PRKN: variants seen among roughly 807,000 people sequenced by gnomAD.
The protein encoded by PRKN is parkin RBR E3 ubiquitin protein ligase, also known as E3 ubiquitin-protein ligase parkin.
Under a neutral mutation model 59.5 loss-of-function variants are expected in PRKN, and 56 were observed. The observed-to-expected ratio is 0.94, with a 90% CI of 0.76 to 1.18. The LOEUF (loss-of-function observed/expected upper bound fraction) is 1.18, where lower values mean the gene tolerates loss of function less well. PRKN is among the 50% of genes most tolerant of loss of function. The pLI, the probability that PRKN is intolerant of heterozygous loss-of-function variation, is 0.00. For missense variants in PRKN, 657 were observed against 596.4 expected (o/e 1.10, Z -1.06); for synonymous variants, 250 against 222.1 (o/e 1.13, Z -1.12).
rs538965190 is a variant in PRKN at position 161,371,858 on chromosome 6, CGAATTCTT to C, written c.1168-11661_1168-11654del. Among the ~76,000 whole-genome samples the C allele has an allele frequency of 5.7e-4, 87 of 151,848 alleles. No individual in the cohort carries two copies. Among genetic ancestry groups the C allele is most frequent in the Non-Finnish European group, 1.1e-3 (74 of 67,950 alleles). ...TTCATCACTTTGGCCAGGCTGATCT[CGAATTCTT>C]GACCTCAGGTGATCTGCCTGCCTCG... is the stretch of plus-strand genomic sequence containing the variant. On this transcript the variant is annotated intron_variant, in intron 10 of 11. Transcript: ENST00000366898. The surrounding 1 kb of genome is among the most constrained non-coding windows in gnomAD (Gnocchi z 5.5).
chr6:162,072,233 A>G (rs1778609059), intron 4 of PRKN, among the ~76,000 whole-genome samples: 1 of 152,116 alleles, frequency 6.6e-6, no homozygotes, highest in Admixed American at 6.5e-5. Context: ...GGTTGCAGTG[A>G]CCCAAGATCA....
At chr6:162,611,148 A>G (rs1284226072) in intron 1 of PRKN, among the ~76,000 whole-genome samples, 2 of 152,200 alleles carry the variant, frequency 1.3e-5, no homozygotes, top group African/African-American at 4.8e-5. Context: ...AATAAATATT[A>G]AAGACTGCTA....
At chr6:162,095,258 G>A (rs1285089199) in intron 4 of PRKN, among the ~76,000 whole-genome samples, 2 of 151,978 alleles carry the variant, frequency 1.3e-5, no homozygotes, top group South Asian at 2.1e-4. Flanking sequence ...TACAGAGATA[G>A]GTTAGTCCTC....
intron 2 of PRKN, among the ~76,000 whole-genome samples, chr6:162,318,506 A>G (rs1424726237): frequency 6.6e-6 from 1 of 152,054 alleles, no homozygotes; most frequent in Non-Finnish European, 1.5e-5. Context: ...CTGGGTGATC[A>G]TCTATATTTC....
chr6:162,542,874 T>C (rs1313768222), intron 1 of PRKN, among the ~76,000 whole-genome samples: 2 of 152,064 alleles, frequency 1.3e-5, no homozygotes, highest in Non-Finnish European at 2.9e-5. Flanking sequence ...GGGCTTGGGC[T>C]TCTGTAGCGG....
At chr6:162,413,418 G>T (rs1327729293) in intron 2 of PRKN, among the ~76,000 whole-genome samples, 1 of 152,124 alleles carries the variant, frequency 6.6e-6, no homozygotes, top group Non-Finnish European at 1.5e-5. Context: ...TGAAACATTT[G>T]TGAAATATAG....
chr6:161,561,866 T>C lies in PRKN; in HGVS notation c.933+7489A>G, dbSNP rs1374776515. Among the ~76,000 whole-genome samples the C allele has an allele frequency of 6.6e-6, 1 of 152,202 alleles. No homozygotes were observed. Among genetic ancestry groups the C allele is most frequent in the African/African-American group, 2.4e-5 (1 of 41,464 alleles). ...TAGAAGGAATTATCCTCCCCTTCTGTTCACTCTTCATCCCATAAAACTCTG... is the reference window on the plus strand; with the variant it reads ...TAGAAGGAATTATCCTCCCCTTCTGCTCACTCTTCATCCCATAAAACTCTG... On this transcript the variant is annotated intron_variant, in intron 8 of 11. Transcript: ENST00000366898. This position sits in a 1 kb window ranked among gnomAD's most constrained non-coding sequence, Gnocchi z 5.0.
At chr6:162,106,314 A>C (rs146771988) in intron 4 of PRKN, among the ~76,000 whole-genome samples, 1 of 152,208 alleles carries the variant, frequency 6.6e-6, no homozygotes, top group East Asian at 1.9e-4. Context: ...CGCGATGATG[A>C]TAATCCCCAA....
chr6:161,518,908 C>T lies in PRKN; in HGVS notation c.1083+29946G>A, dbSNP rs1562500500. Among the ~76,000 whole-genome samples, 1 of 152,178 alleles carries T rather than the reference C, an allele frequency of 6.6e-6. No individual in the cohort carries two copies. The highest frequency in any genetic ancestry group is 1.9e-4 in the East Asian group (1 of 5,182). On this transcript the variant is annotated intron_variant, in intron 9 of 11. Coordinates refer to ENST00000366898, the MANE Select transcript of PRKN (RefSeq NM_004562.3). The surrounding 1 kb of genome is among the most constrained non-coding windows in gnomAD (Gnocchi z 5.0). ...ATGTCAGGGAGAGGAAGGCTGAGCA[C>T]AAGAGAATCTCCCTCTGTCCACAGA...
chr6:161,910,414 C>T (rs1046235829), intron 6 of PRKN, among the ~76,000 whole-genome samples: 1 of 151,944 alleles, frequency 6.6e-6, no homozygotes, highest in Non-Finnish European at 1.5e-5. Flanking sequence ...GCTACCACAC[C>T]CGGCTAATTT....
chr6:161,535,639 C>T (rs1296020737), intron 9 of PRKN, among the ~76,000 whole-genome samples: 2 of 152,188 alleles, frequency 1.3e-5, no homozygotes, highest in African/African-American at 4.8e-5. Flanking sequence ...TTTTCTCTGT[C>T]GGAATACGAG....
chr6:162,261,331 A>G (rs2128099621), intron 3 of PRKN, among the ~76,000 whole-genome samples: 2 of 152,262 alleles, frequency 1.3e-5, no homozygotes, highest in Middle Eastern at 6.8e-3. Context: ...GCTTAAAATA[A>G]TACTTATGCT....
chr6:162,586,636 T>G (rs34009353), intron 1 of PRKN, among the ~76,000 whole-genome samples: 18,702 of 152,188 alleles, frequency 0.12, 1,263 homozygotes, highest in Middle Eastern at 0.2. Flanking sequence ...TATAAGCCGG[T>G]TCGTAATTTG....
Position 161,905,666 on chromosome 6 carries a change from A to T in PRKN, c.734+67636T>A, listed in dbSNP as rs536603216. Among the ~76,000 whole-genome samples the T allele has an allele frequency of 8.8e-4, 134 of 151,908 alleles. No homozygotes were observed. The South Asian group carries it at 0.014, about 16-fold the overall frequency. Reference sequence around the variant, plus strand: ...GTTTTATTTATATATATATTTTTTTAAAGTACATTTTCGGCCGGGTGTGGT... The same window carrying T: ...GTTTTATTTATATATATATTTTTTTTAAGTACATTTTCGGCCGGGTGTGGT... On this transcript the variant is annotated intron_variant, in intron 6 of 11. Coordinates refer to ENST00000366898, the MANE Select transcript of PRKN (RefSeq NM_004562.3).
At chr6:161,991,889 T>C (rs759463897) in intron 5 of PRKN, among the ~76,000 whole-genome samples, 1 of 151,966 alleles carries the variant, frequency 6.6e-6, no homozygotes, top group African/African-American at 2.4e-5. Context: ...GGCCCAACTA[T>C]ATGATGCCTA....
intron 1 of PRKN, among the ~76,000 whole-genome samples, chr6:162,450,339 T>A (rs1248567895): frequency 9.5e-5 from 9 of 94,244 alleles, no homozygotes; most frequent in Admixed American, 2.2e-4. Flanking sequence ...GCCCCTGTGA[T>A]TGTAATCCCC....
chr6:161,410,652 G>T lies in PRKN; in HGVS notation c.1084-23775C>A, dbSNP rs751164615. The stretch of plus-strand genomic sequence containing the variant: ...GCCATGCGTTGGTTACAAGGAAGCA[G>T]ATGGAGTTGGGGAAACATGGAATGG... On this transcript the variant is annotated intron_variant, in intron 9 of 11. Transcript: ENST00000366898. The surrounding 1 kb of genome is among the most constrained non-coding windows in gnomAD (Gnocchi z 5.3). 1.9e-4 allele frequency among the ~76,000 whole-genome samples: 29 copies of T among 152,148 alleles called. No homozygotes were observed. Among genetic ancestry groups the T allele is most frequent in the Non-Finnish European group, 3.2e-4 (22 of 68,026 alleles).
chr6:161,366,338 G>A (rs1785197549), intron 10 of PRKN, among the ~76,000 whole-genome samples: 1 of 152,164 alleles, frequency 6.6e-6, no homozygotes, highest in Non-Finnish European at 1.5e-5. Context: ...GGACACCAGA[G>A]CTGCTGAGGG....
At chr6:161,870,303 C>A (rs1208956094) in intron 6 of PRKN, among the ~76,000 whole-genome samples, 3 of 152,088 alleles carry the variant, frequency 2.0e-5, no homozygotes, top group African/African-American at 7.2e-5. Flanking sequence ...TACTCTATTA[C>A]CAAATTAGTG....
Sources: gnomAD v4.1 joint callset for allele counts (sites outside exome capture counted in the v4.1 genomes callset) on GRCh38, gnomAD v4.1.1 for gene constraint, Gnocchi (gnomAD v3.1) non-coding constraint, MANE v1.5 for transcripts, NCBI Gene and HGNC (gene_info 2026-07-23, HGNC 2026-07-21) for gene names.